SLC35F2: variants seen among roughly 807,000 people sequenced by gnomAD.
SLC35F2 encodes queuine/queuosine transporter SLC35F2.
In SLC35F2, 25 loss-of-function variants were observed where a neutral mutation model predicts 38.1. The observed-to-expected ratio is 0.66, with a 90% confidence interval of 0.48 to 0.92. The LOEUF (loss-of-function observed/expected upper bound fraction) is 0.92. SLC35F2 is among the 40% of genes least tolerant of loss of function. The pLI is 0.00. For synonymous variants in SLC35F2, 173 were observed against 181.7 expected, an observed-to-expected ratio of 0.95 and a Z score of 0.38; for missense variants, 409 against 452.9, an observed-to-expected ratio of 0.90 and a Z score of 0.88.
chr11:107,843,846 TAAAA>T lies in SLC35F2; in HGVS notation c.110+14808_110+14811del, dbSNP rs780744909. On this transcript the variant is annotated intron_variant, in intron 1 of 7. Transcript: ENST00000525815. ...GGTGACAAAGTGAGACTCTGTATCT[TAAAA>T]AAAAAAAAAAAAAAAAAAATATATA... Among the ~76,000 whole-genome samples, 225 of 45,050 alleles carry T rather than the reference TAAAA, an allele frequency of 5.0e-3. 1 individual carries two copies. The highest frequency in any genetic ancestry group is 0.012 in the South Asian group (10 of 820). 29.6% of individuals were successfully genotyped at this position (45,050 alleles called of 152,430 possible). A position where few individuals can be genotyped will look rare whatever the true frequency, so the allele number is the denominator to read the frequency against.
chr11:107,827,659 G>A (rs548760918), intron 1 of SLC35F2, among the ~76,000 whole-genome samples: 48 of 151,744 alleles, frequency 3.2e-4, no homozygotes, highest in African/African-American at 1.1e-3. Flanking sequence ...TGAGGCAAGA[G>A]AATCACTAGA....
intron 1 of SLC35F2, among the ~76,000 whole-genome samples, chr11:107,828,864 T>C (rs1859793543): frequency 6.6e-6 from 1 of 152,116 alleles, no homozygotes. Context: ...CCCAGCACTT[T>C]GGGAGGCCGA....
intron 3 of SLC35F2, chr11:107,811,110 C>A: frequency 1.0e-6 from 1 of 985,282 alleles, no homozygotes; most frequent in Non-Finnish European, 1.2e-6. Context: ...AACATTAAGA[C>A]AACTGAAATC....
intron 1 of SLC35F2, among the ~76,000 whole-genome samples, chr11:107,832,765 C>A (rs768790195): frequency 2.6e-5 from 4 of 152,162 alleles, no homozygotes; most frequent in Non-Finnish European, 4.4e-5. Context: ...CATGATCATG[C>A]CACTGCACTC....
At chr11:107,849,523 C>T (rs1419186843) in intron 1 of SLC35F2, among the ~76,000 whole-genome samples, 2 of 151,830 alleles carry the variant, frequency 1.3e-5, no homozygotes, top group African/African-American at 4.8e-5. Context: ...CCTGTAATTC[C>T]AGCTACTCAG....
At chr11:107,804,583 C>T in intron 6 of SLC35F2, 135 bp downstream of exon 6, 1 of 624,648 alleles carries the variant, frequency 1.6e-6, no homozygotes, top group Non-Finnish European at 2.7e-6. Context: ...ATGTAAACCA[C>T]TATAGTTGAT....
At chr11:107,806,003 G>A (rs753591583) in intron 4 of SLC35F2, among the ~76,000 whole-genome samples, 1 of 152,112 alleles carries the variant, frequency 6.6e-6, no homozygotes, top group African/African-American at 2.4e-5. Flanking sequence ...GGCTGGTCTC[G>A]AACTCCTGAC....
At position 107,791,691 on chromosome 11, in the gene SLC35F2, T is replaced by C. The variant is rs1859134146; in HGVS notation, c.*924A>G. 6.6e-6 allele frequency: 1 copy of C among 152,244 alleles called. No homozygotes were observed. Among genetic ancestry groups the C allele is most frequent in the Admixed American group, 6.6e-5 (1 of 15,246 alleles). 9.4% of individuals were successfully genotyped at this position (152,244 alleles called of 1,614,324 possible). A position where few individuals can be genotyped will look rare whatever the true frequency, so the allele number is the denominator to read the frequency against. ...GAATTTGAGATTAGCCTGGGCAACA[T>C]GGCGAAACCCCATCTCTCTACAAAA... On this transcript the variant is annotated 3_prime_UTR_variant, in exon 8 of 8. Transcript: ENST00000525815.
intron 1 of SLC35F2, among the ~76,000 whole-genome samples, chr11:107,825,400 C>T (rs1311294871): frequency 1.5e-5 from 2 of 132,302 alleles, no homozygotes; most frequent in Non-Finnish European, 3.1e-5. Context: ...GAGATGGAGT[C>T]TCGATCTGTT....
At chr11:107,797,196 C>T (rs1859232542) in intron 7 of SLC35F2, among the ~76,000 whole-genome samples, 1 of 151,080 alleles carries the variant, frequency 6.6e-6, no homozygotes, top group African/African-American at 2.4e-5. Flanking sequence ...AAGAACGGGG[C>T]ATTCTATTTT....
chr11:107,819,614 G>T (rs940298250), intron 1 of SLC35F2, among the ~76,000 whole-genome samples: 1 of 152,144 alleles, frequency 6.6e-6, no homozygotes, highest in Non-Finnish European at 1.5e-5. Flanking sequence ...CACTTAGTCC[G>T]GTATAGTGCA....
intron 1 of SLC35F2, among the ~76,000 whole-genome samples, chr11:107,836,636 A>G (rs526659): frequency 1 from 152,241 of 152,312 alleles, 76,085 homozygotes; most frequent in Middle Eastern, 1. Flanking sequence ...GAAGGCAGGC[A>G]GCTTCCAGAA....
intron 1 of SLC35F2, among the ~76,000 whole-genome samples, chr11:107,831,500 T>C (rs978091866): frequency 3.3e-5 from 5 of 152,202 alleles, no homozygotes; most frequent in Non-Finnish European, 7.3e-5. Context: ...ACTGGGATTA[T>C]AGACGTGCAC....
rs1859400409 is a variant in SLC35F2 at position 107,806,879 on chromosome 11, G to A, written c.415-3C>T. 6.2e-7 allele frequency: 1 copy of A among 1,612,184 alleles called. No individual in the cohort carries two copies. The highest frequency in any genetic ancestry group is 2.2e-5 in the East Asian group (1 of 44,828). On this transcript the variant is annotated splice_region_variant and splice_polypyrimidine_tract_variant and intron_variant, in intron 3 of 7. Coordinates refer to ENST00000525815, the MANE Select transcript of SLC35F2 (RefSeq NM_017515.5). ...GGAATCCCAAAGCAATCCAAAAGCT[G>A]CATGGAAAGAGAATCAACAGTTTAA...
rs147357410 is a variant in SLC35F2, at chr11:107,850,922, T to C, written c.110+7736A>G. On this transcript the variant is annotated intron_variant, in intron 1 of 7. Transcript: ENST00000525815. ...CAGCACTTTGGGAGGTTGAGATGGGTGGATCACCTGAGGTTGGGAATTCGC... is the reference window on the plus strand; with the variant it reads ...CAGCACTTTGGGAGGTTGAGATGGGCGGATCACCTGAGGTTGGGAATTCGC... 5.1e-4 allele frequency among the ~76,000 whole-genome samples: 77 copies of C among 151,412 alleles called. No homozygotes were observed. In the Middle Eastern group the frequency reaches 0.011, roughly 21 times the overall value.
chr11:107,838,009 G>A (rs764897459), intron 1 of SLC35F2, among the ~76,000 whole-genome samples: 5 of 150,920 alleles, frequency 3.3e-5, no homozygotes, highest in East Asian at 1.9e-4. Flanking sequence ...TATACCAAGC[G>A]CTAATTGATT....
chr11:107,818,545 A>T (rs1376231417), intron 1 of SLC35F2, among the ~76,000 whole-genome samples: 1 of 152,238 alleles, frequency 6.6e-6, no homozygotes, highest in Non-Finnish European at 1.5e-5. Context: ...TTATGTAAGT[A>T]TCCCTAAGCA....
chr11:107,802,737 C>T (rs567183979), intron 7 of SLC35F2, among the ~76,000 whole-genome samples: 36 of 152,230 alleles, frequency 2.4e-4, no homozygotes, highest in African/African-American at 8.4e-4. Context: ...TGAAAACATG[C>T]GTTAACAATT....
intron 6 of SLC35F2, among the ~76,000 whole-genome samples, chr11:107,804,361 A>G (rs1333966963): frequency 6.6e-6 from 1 of 152,158 alleles, no homozygotes; most frequent in Non-Finnish European, 1.5e-5. Flanking sequence ...ACCATTGATG[A>G]TTCAGGTTAA....
Sources: allele counts gnomAD v4.1 joint callset (sites outside exome capture counted in the v4.1 genomes callset), GRCh38; gene constraint gnomAD v4.1.1; transcripts MANE v1.5; gene names NCBI Gene and HGNC (gene_info 2026-07-23, HGNC 2026-07-21).